PEAK1: variants seen among roughly 807,000 people sequenced by gnomAD.
PEAK1 encodes the protein inactive tyrosine-protein kinase PEAK1.
In PEAK1, 54 loss-of-function variants were observed where a neutral mutation model predicts 124.7. The observed-to-expected ratio is 0.43, with a 90% confidence interval of 0.35 to 0.54. The LOEUF is 0.54. Ranked by LOEUF, PEAK1 falls within the 20% of genes least tolerant of loss-of-function variation. The pLI is 0.01. For missense variants in PEAK1, 2,046 were observed against 2,134.5 expected (o/e 0.96, Z 0.82); for synonymous variants, 719 against 760.0 (o/e 0.95, Z 0.89).
intron 1 of PEAK1, among the ~76,000 whole-genome samples, chr15:77,416,671 C>T (rs2072907842): frequency 6.6e-6 from 1 of 152,182 alleles, no homozygotes; most frequent in Admixed American, 6.5e-5. Flanking sequence ...AGCTGTGCTG[C>T]TGCTGTCCAC....
chr15:77,408,176 C>T (rs1346287684), intron 1 of PEAK1, among the ~76,000 whole-genome samples: 3 of 151,556 alleles, frequency 2.0e-5, no homozygotes, highest in African/African-American at 4.9e-5. Flanking sequence ...CACACACACA[C>T]ACACACACAC....
At chr15:77,338,587 T>A (rs1241678288) in intron 2 of PEAK1, among the ~76,000 whole-genome samples, 1 of 150,842 alleles carries the variant, frequency 6.6e-6, no homozygotes, top group Non-Finnish European at 1.5e-5. Context: ...CAATCTAATC[T>A]CAATTGTATA....
Position 77,112,858 on chromosome 15 carries a change from T to C in PEAK1, c.*1298A>G, listed in dbSNP as rs559810523. On this transcript the variant is annotated 3_prime_UTR_variant, in exon 10 of 10. Transcript: ENST00000682557. ...CATACAAAAATTGCACACATATCCA[T>C]AGAAGGGGAGCACAGGCTGCACACA... The C allele has an allele frequency of 7.2e-5, 11 of 152,220 alleles. No individual in the cohort carries two copies. Among genetic ancestry groups the C allele is most frequent in the East Asian group, 3.9e-4 (2 of 5,182 alleles). The allele number at this position is 152,220 out of a possible 1,614,324, so 9.4% of individuals were successfully genotyped here.
intron 5 of PEAK1, among the ~76,000 whole-genome samples, chr15:77,265,185 A>G (rs1443798564): frequency 1.3e-5 from 2 of 152,310 alleles, no homozygotes; most frequent in African/African-American, 2.4e-5. Flanking sequence ...CATTCAGGAC[A>G]TAGGCATGGG....
At chr15:77,362,828 A>AC (rs1260356664) in intron 2 of PEAK1, among the ~76,000 whole-genome samples, 2 of 151,174 alleles carry the variant, frequency 1.3e-5, no homozygotes, top group Non-Finnish European at 3.0e-5. Flanking sequence ...ATGAAAAAAA[A>AC]GAAAAAAAAG....
chr15:77,336,229 C>T (rs1214722964), intron 2 of PEAK1: 1 of 985,358 alleles, frequency 1.0e-6, no homozygotes, highest in African/African-American at 1.7e-5. Flanking sequence ...TGTTTGCATT[C>T]CAAGAACCAC....
chr15:77,256,493 G>C (rs1449667934), intron 5 of PEAK1, among the ~76,000 whole-genome samples: 1 of 151,782 alleles, frequency 6.6e-6, no homozygotes, highest in Admixed American at 6.6e-5. Flanking sequence ...TAATCATAAA[G>C]TAAGGGTTGT....
chr15:77,220,493 T>A (rs2059338023), intron 6 of PEAK1, among the ~76,000 whole-genome samples: 1 of 134,016 alleles, frequency 7.5e-6, no homozygotes. Flanking sequence ...ATACAATAGC[T>A]CACTACAATT....
At chr15:77,240,109 T>G (rs572332122) in intron 6 of PEAK1, among the ~76,000 whole-genome samples, 3 of 152,314 alleles carry the variant, frequency 2.0e-5, no homozygotes, top group South Asian at 4.1e-4. Flanking sequence ...GCTTAGATAC[T>G]AGCAAAACAC....
intron 7 of PEAK1, among the ~76,000 whole-genome samples, chr15:77,177,002 G>C (rs909883649): frequency 6.6e-6 from 1 of 151,940 alleles, no homozygotes; most frequent in African/African-American, 2.4e-5. Flanking sequence ...TTTTTGCCCA[G>C]GCTGGAGTGC....
intron 9 of PEAK1, among the ~76,000 whole-genome samples, chr15:77,116,560 TA>T (rs551183564): frequency 3.1e-3 from 443 of 142,286 alleles, no homozygotes; most frequent in Middle Eastern, 3.6e-3. Flanking sequence ...TCAAATAGAT[TA>T]AAAAAAAAAA....
intron 6 of PEAK1, chr15:77,239,728 C>T (rs1474087080): frequency 5.0e-6 from 3 of 600,248 alleles, no homozygotes; most frequent in Non-Finnish European, 6.3e-6. Flanking sequence ...ACCAGATTTA[C>T]AAACTGAGCA....
rs567420581 is a variant in PEAK1, at chr15:77,127,517, C to T, written c.4077+5488G>A. ...GCTAGGGGCGATTCTGATGAGGTTT[C>T]TGATAGTAACAAGGAACATTATTGG... On this transcript the variant is annotated intron_variant, in intron 9 of 9. Coordinates refer to ENST00000682557, the MANE Select transcript of PEAK1 (RefSeq NM_001385026.1). Among the ~76,000 whole-genome samples the T allele has an allele frequency of 6.6e-5, 10 of 152,240 alleles. No individual in the cohort carries two copies. The South Asian group carries it at 2.1e-3, about 32-fold the overall frequency.
intron 6 of PEAK1, among the ~76,000 whole-genome samples, chr15:77,189,632 T>A (rs1466743969): frequency 6.6e-6 from 1 of 152,120 alleles, no homozygotes. Context: ...CAAAGTTGTG[T>A]TTTTTGTGTT....
intron 2 of PEAK1, chr15:77,352,293 A>G: frequency 5.1e-6 from 5 of 985,366 alleles, no homozygotes; most frequent in Non-Finnish European, 4.8e-6. Flanking sequence ...CCAGGAAGTG[A>G]GCAGTGCAGA....
chr15:77,207,387 A>G (rs1310245098), intron 6 of PEAK1, among the ~76,000 whole-genome samples: 1 of 152,236 alleles, frequency 6.6e-6, no homozygotes, highest in East Asian at 1.9e-4. Flanking sequence ...ATGAAAGGAA[A>G]AATGCTTACA....
At chr15:77,277,233 T>C (rs950023854) in intron 5 of PEAK1, among the ~76,000 whole-genome samples, 2 of 152,212 alleles carry the variant, frequency 1.3e-5, no homozygotes, top group Non-Finnish European at 2.9e-5. Context: ...AAAGATTTTA[T>C]ACTACATGAT....
chr15:77,126,069 ATTC>A (rs2052349741), intron 9 of PEAK1, among the ~76,000 whole-genome samples: 1 of 152,306 alleles, frequency 6.6e-6, no homozygotes, highest in South Asian at 2.1e-4. Flanking sequence ...CCAAAATCTG[ATTC>A]TTGTTTTTTA....
At chr15:77,358,080 A>G (rs2067636249) in intron 2 of PEAK1, among the ~76,000 whole-genome samples, 1 of 152,192 alleles carries the variant, frequency 6.6e-6, no homozygotes, top group Admixed American at 6.5e-5. Flanking sequence ...CAGAAGAAAG[A>G]AGCCATTCCC....
Sources: gnomAD v4.1 joint callset for allele counts (sites outside exome capture counted in the v4.1 genomes callset) on GRCh38, gnomAD v4.1.1 for gene constraint, MANE v1.5 for transcripts, NCBI Gene and HGNC (gene_info 2026-07-23, HGNC 2026-07-21) for gene names.